The following SLC39A8 variants were observed in gnomAD, a reference collection of about 807,000 sequenced individuals.
SLC39A8 encodes the protein solute carrier family 39 member 8.
In SLC39A8, 15 loss-of-function variants were observed where a neutral mutation model predicts 40.4. That is an observed-to-expected ratio of 0.37 (90% CI 0.25 to 0.57). The LOEUF is 0.57. Ranked by LOEUF, SLC39A8 falls within the 20% of genes least tolerant of loss-of-function variation. The pLI is 0.75. For missense variants in SLC39A8, 472 were observed against 558.8 expected (o/e 0.84, Z 1.57); for synonymous variants, 223 against 221.6 (o/e 1.01, Z -0.06).
At chr4:102,338,763 A>G (rs1735788683) in intron 2 of SLC39A8, among the ~76,000 whole-genome samples, 1 of 152,214 alleles carries the variant, frequency 6.6e-6, no homozygotes. Flanking sequence ...ACGTTGGTCC[A>G]GTTACTTAAC....
In SLC39A8 at chr4:102,273,209, C is replaced by T. The variant is rs182443722; in HGVS notation, c.841-5130G>A. 2.3e-3 allele frequency among the ~76,000 whole-genome samples: 357 copies of T among 152,330 alleles called. 1 individual carries two copies. Among genetic ancestry groups the T allele is most frequent in the Non-Finnish European group, 4.5e-3 (306 of 68,024 alleles). On this transcript the variant is annotated intron_variant, in intron 6 of 8. Coordinates refer to ENST00000356736, the MANE Select transcript of SLC39A8 (RefSeq NM_001135146.2). ...AAGACCCACTGGCTTGAAATTCTCG[C>T]TGCCAGCACAGCAGTCTGAAGTCAA... is the stretch of plus-strand genomic sequence containing the variant.
intron 2 of SLC39A8, among the ~76,000 whole-genome samples, chr4:102,335,410 C>T (rs990003182): frequency 6.6e-6 from 1 of 152,072 alleles, no homozygotes; most frequent in Non-Finnish European, 1.5e-5. Flanking sequence ...AAATAATGCT[C>T]ATTCTCTTAT....
At chr4:102,255,337 T>A (rs1466965907) in intron 11 of SLC39A8, among the ~76,000 whole-genome samples, 1 of 152,094 alleles carries the variant, frequency 6.6e-6, no homozygotes, top group Non-Finnish European at 1.5e-5. Flanking sequence ...CTTACAAAAT[T>A]GAAGGAACTA....
intron 2 of SLC39A8, among the ~76,000 whole-genome samples, chr4:102,342,405 A>G (rs1735980975): frequency 6.6e-6 from 1 of 152,202 alleles, no homozygotes; most frequent in Non-Finnish European, 1.5e-5. Context: ...AGGCTGAGGC[A>G]GGAGAATTGC....
chr4:102,308,413 G>GA (rs1380484286), intron 3 of SLC39A8, among the ~76,000 whole-genome samples: 1 of 152,094 alleles, frequency 6.6e-6, no homozygotes, highest in Non-Finnish European at 1.5e-5. Flanking sequence ...GTATTGCTTA[G>GA]AATAAAATGA....
At chr4:102,320,789 A>AAT (rs773765822) in intron 2 of SLC39A8, among the ~76,000 whole-genome samples, 109 of 141,508 alleles carry the variant, frequency 7.7e-4, no homozygotes, top group Non-Finnish European at 1.1e-3. Flanking sequence ...TATGAGAAAA[A>AAT]ATATATATAT....
intron 4 of SLC39A8, among the ~76,000 whole-genome samples, chr4:102,306,378 A>G (rs534242169): frequency 1.3e-5 from 2 of 152,074 alleles, no homozygotes; most frequent in East Asian, 3.9e-4. Context: ...TTGTAAGGCT[A>G]TAATCAAATT....
At chr4:102,284,584 A>C (rs188059011) in intron 6 of SLC39A8, among the ~76,000 whole-genome samples, 4 of 152,342 alleles carry the variant, frequency 2.6e-5, no homozygotes, top group Non-Finnish European at 4.4e-5. Flanking sequence ...CCAGGATATC[A>C]TTCAGAATAT....
intron 6 of SLC39A8, among the ~76,000 whole-genome samples, chr4:102,303,690 G>A (rs1734011854): frequency 6.6e-6 from 1 of 151,590 alleles, no homozygotes; most frequent in African/African-American, 2.4e-5. Context: ...TGTCCTTTGT[G>A]CATATATAAT....
chr4:102,330,220 T>C (rs1735391582), intron 2 of SLC39A8, among the ~76,000 whole-genome samples: 1 of 151,914 alleles, frequency 6.6e-6, no homozygotes, highest in African/African-American at 2.4e-5. Context: ...TCAAAAAATC[T>C]CTGAATCCAG....
intron 6 of SLC39A8, among the ~76,000 whole-genome samples, chr4:102,290,012 T>A (rs1668033074): frequency 1.3e-5 from 2 of 152,184 alleles, no homozygotes; most frequent in South Asian, 4.1e-4. Flanking sequence ...CAGCATGTTC[T>A]CGCATGTACA....
intron 6 of SLC39A8, among the ~76,000 whole-genome samples, chr4:102,279,104 C>A (rs1732760372): frequency 6.6e-6 from 1 of 151,680 alleles, no homozygotes; most frequent in Non-Finnish European, 1.5e-5. Flanking sequence ...ATATAACAAA[C>A]CTACACGTTC....
At chr4:102,315,385 A>G (rs1279155047) in intron 3 of SLC39A8, among the ~76,000 whole-genome samples, 1 of 152,212 alleles carries the variant, frequency 6.6e-6, no homozygotes, top group African/African-American at 2.4e-5. Flanking sequence ...TCCAATATGC[A>G]CAGCATAAAA....
At position 102,344,507 on chromosome 4, in the gene SLC39A8, C is replaced by T; in HGVS notation, c.156G>A (p.Leu52=). The T allele has an allele frequency of 6.4e-7, 1 of 1,557,790 alleles. No homozygotes were observed. Among genetic ancestry groups the T allele is most frequent in the Non-Finnish European group, 8.7e-7 (1 of 1,151,694 alleles). The change falls in exon 2 of 9, where the codon CTG becomes CTA. Residue 52 remains leucine (L), a synonymous_variant. Transcript: ENST00000356736. The stretch of plus-strand genomic sequence containing the variant: ...CGCGGGAGGCGGCTCCCATCTGCTC[C>T]AGCAAGTGCTGGAGCTGCGCCGCCG... The part of the protein sequence containing the change: ...SLSAAQLQHL[L]EQMGAASRVG...
intron 6 of SLC39A8, among the ~76,000 whole-genome samples, chr4:102,282,949 A>C (rs1732969427): frequency 6.6e-6 from 1 of 152,042 alleles, no homozygotes; most frequent in Non-Finnish European, 1.5e-5. Context: ...GATGGTCTCG[A>C]TCTCTTGACC....
chr4:102,289,643 T>A (rs1306001078), intron 6 of SLC39A8, among the ~76,000 whole-genome samples: 1 of 152,080 alleles, frequency 6.6e-6, no homozygotes, highest in Non-Finnish European at 1.5e-5. Context: ...TGGGAAGAAG[T>A]TGATTCCAAC....
intron 2 of SLC39A8, among the ~76,000 whole-genome samples, chr4:102,333,617 A>G (rs536577801): frequency 1.3e-5 from 2 of 152,286 alleles, no homozygotes; most frequent in South Asian, 2.1e-4. Flanking sequence ...GATGGAGTTG[A>G]TGAGTTTTGT....
intron 3 of SLC39A8, among the ~76,000 whole-genome samples, chr4:102,309,153 TAAAC>T (rs1375138446): frequency 6.6e-6 from 1 of 152,066 alleles, no homozygotes; most frequent in East Asian, 1.9e-4. Context: ...TATGTACAAA[TAAAC>T]AAACTTAGTA....
At chr4:102,327,253 CCT>C (rs1735247247) in intron 2 of SLC39A8, among the ~76,000 whole-genome samples, 1 of 151,914 alleles carries the variant, frequency 6.6e-6, no homozygotes, top group African/African-American at 2.4e-5. Context: ...ACAGTGAGAC[CCT>C]GTCTCAAAAA....
Sources: allele counts gnomAD v4.1 joint callset (sites outside exome capture counted in the v4.1 genomes callset), GRCh38; gene constraint gnomAD v4.1.1; transcripts MANE v1.5; gene names NCBI Gene and HGNC (gene_info 2026-07-23, HGNC 2026-07-21).